The following SLC44A5 variants were observed in gnomAD, a reference collection of about 807,000 sequenced individuals.
The protein encoded by SLC44A5 is solute carrier family 44 member 5, also known as choline transporter-like protein 5.
In SLC44A5, 57 loss-of-function variants were observed where a neutral mutation model predicts 101.8. The ratio of observed to expected loss-of-function variants is 0.56; its 90% CI spans 0.45 to 0.70. The LOEUF (loss-of-function observed/expected upper bound fraction) is 0.70. Ranked by LOEUF, SLC44A5 falls within the 30% of genes least tolerant of loss-of-function variation. The pLI is 0.00. For synonymous variants in SLC44A5, 281 were observed against 290.9 expected (o/e 0.97, Z 0.35); for missense variants, 737 against 853.1 (o/e 0.86, Z 1.70).
At chr1:75,692,281 C>T in the SLC44A5 span, among the ~76,000 whole-genome samples, 2 of 150,452 alleles carry the variant, frequency 1.3e-5, no homozygotes, top group South Asian at 4.2e-4. Context: ...GCAACCTCCA[C>T]CTCCTGGGCT....
In SLC44A5 at chr1:75,497,271, C is replaced by T. The variant is rs145370899; in HGVS notation, c.13+44164G>A. On this transcript the variant is annotated intron_variant, in intron 2 of 23. Coordinates refer to ENST00000370859, the MANE Select transcript of SLC44A5 (RefSeq NM_001130058.2). ...GACTGATGAATGGGAAAAAAAATTGCCGTGTGTGTGTGTGGGTGTTTTATT... is the reference window on the plus strand; with the variant it reads ...GACTGATGAATGGGAAAAAAAATTGTCGTGTGTGTGTGTGGGTGTTTTATT... Among the ~76,000 whole-genome samples, 143 of 151,876 alleles carry T rather than the reference C, an allele frequency of 9.4e-4. 1 individual carries two copies. The highest frequency in any genetic ancestry group is 3.1e-3 in the African/African-American group (130 of 41,428).
intron 1 of SLC44A5, among the ~76,000 whole-genome samples, chr1:75,551,470 C>A (rs1671933310): frequency 2.0e-5 from 3 of 152,118 alleles, no homozygotes; most frequent in Admixed American, 2.0e-4. Flanking sequence ...AGCTTTCTCT[C>A]CCACAGGGAT....
chr1:75,659,123 C>A, the SLC44A5 span, among the ~76,000 whole-genome samples: 2 of 151,714 alleles, frequency 1.3e-5, no homozygotes, highest in East Asian at 3.9e-4. Context: ...CAAGATAGAA[C>A]AGTAATAAAG....
chr1:75,641,890 C>A, the SLC44A5 span: 1 of 1,578,310 alleles, frequency 6.3e-7, no homozygotes, highest in East Asian at 2.2e-5. Context: ...ATAAGGAGAC[C>A]CATTCAAGAA....
At chr1:75,601,384 G>A (rs1194958421) in intron 1 of SLC44A5, among the ~76,000 whole-genome samples, 4 of 151,526 alleles carry the variant, frequency 2.6e-5, no homozygotes, top group Non-Finnish European at 5.9e-5. Context: ...GGGGGCTGGG[G>A]GGCTGGGGGG....
At position 75,555,578 on chromosome 1, in the gene SLC44A5, G is replaced by A. The variant is rs150815588; in HGVS notation, c.-69-14062C>T. Among the ~76,000 whole-genome samples the A allele has an allele frequency of 1.1e-3, 168 of 152,112 alleles. 1 individual carries two copies. The highest frequency in any genetic ancestry group is 0.01 in the East Asian group (52 of 5,164). On this transcript the variant is annotated intron_variant, in intron 1 of 23. Coordinates refer to ENST00000370859, the MANE Select transcript of SLC44A5 (RefSeq NM_001130058.2). ...ATAGGTTTGTTTACATGGAGTGCCC[G>A]TTCAAAGCCAAGCCATTATGCTAGG...
At chr1:75,328,112 A>C (rs1220151025) in intron 4 of SLC44A5, among the ~76,000 whole-genome samples, 3 of 152,204 alleles carry the variant, frequency 2.0e-5, no homozygotes, top group African/African-American at 7.2e-5. Flanking sequence ...CTGGCTTCCC[A>C]ACCAAGCCTA....
chr1:75,277,959 C>A (rs1377169393), intron 5 of SLC44A5, among the ~76,000 whole-genome samples: 1 of 152,124 alleles, frequency 6.6e-6, no homozygotes, highest in African/African-American at 2.4e-5. Flanking sequence ...CAGCAGCCAT[C>A]ATTTTGTCCC....
chr1:75,704,287 C>T, the SLC44A5 span, among the ~76,000 whole-genome samples: 42 of 152,202 alleles, frequency 2.8e-4, no homozygotes, highest in African/African-American at 9.2e-4. Context: ...TTTAAACATA[C>T]ATTATCAGTG....
At chr1:75,391,572 C>A (rs1023314660) in intron 3 of SLC44A5, among the ~76,000 whole-genome samples, 5 of 152,088 alleles carry the variant, frequency 3.3e-5, no homozygotes, top group African/African-American at 1.2e-4. Context: ...AAGCTGCACT[C>A]CTACAACCAA....
At chr1:75,383,498 T>A (rs1661055106) in intron 3 of SLC44A5, among the ~76,000 whole-genome samples, 1 of 151,478 alleles carries the variant, frequency 6.6e-6, no homozygotes, top group Non-Finnish European at 1.5e-5. Flanking sequence ...AGAAGGGAAG[T>A]TTAGAGAAAA....
At chr1:75,340,168 T>G (rs1442281001) in intron 3 of SLC44A5, among the ~76,000 whole-genome samples, 1 of 152,200 alleles carries the variant, frequency 6.6e-6, no homozygotes, top group Non-Finnish European at 1.5e-5. Flanking sequence ...TATTGCAGTT[T>G]TTTCAATCTA....
chr1:75,480,747 TA>T (rs1667789342), intron 2 of SLC44A5, among the ~76,000 whole-genome samples: 1 of 151,908 alleles, frequency 6.6e-6, no homozygotes, highest in Admixed American at 6.6e-5. Context: ...CTCAATGAAA[TA>T]AAAGAGGATA....
At chr1:75,527,984 T>C (rs1670513699) in intron 2 of SLC44A5, among the ~76,000 whole-genome samples, 1 of 152,244 alleles carries the variant, frequency 6.6e-6, no homozygotes, top group Non-Finnish European at 1.5e-5. Context: ...TATGTGTCTT[T>C]TGTGCCCTTA....
chr1:75,385,364 G>C (rs1661242139), intron 3 of SLC44A5, among the ~76,000 whole-genome samples: 1 of 151,296 alleles, frequency 6.6e-6, no homozygotes, highest in Non-Finnish European at 1.5e-5. Flanking sequence ...AATAAAAAAT[G>C]ATAAAGGGGA....
intron 3 of SLC44A5, among the ~76,000 whole-genome samples, chr1:75,350,511 A>C (rs1483596495): frequency 6.6e-6 from 1 of 150,996 alleles, no homozygotes; most frequent in Non-Finnish European, 1.5e-5. Flanking sequence ...AAGGGACAAA[A>C]TATGCCTGTA....
At chr1:75,541,293 G>T (rs921077465) in intron 2 of SLC44A5, 142 bp downstream of exon 2, 25 of 643,476 alleles carry the variant, frequency 3.9e-5, no homozygotes, top group Non-Finnish European at 5.9e-5. Flanking sequence ...GGTCTAACAT[G>T]CTGTAGTTTT....
rs186617540 is a variant in SLC44A5 at position 75,251,591 on chromosome 1, G to T, written c.261-297C>A. ...ATAATGCTAAAGAACTAATTTAATG[G>T]ATGGTGAAATTTACAATATGTCAAT... On this transcript the variant is annotated intron_variant, in intron 6 of 23. Coordinates refer to ENST00000370859, the MANE Select transcript of SLC44A5 (RefSeq NM_001130058.2). 1.4e-4 allele frequency among the ~76,000 whole-genome samples: 22 copies of T among 152,172 alleles called. No individual in the cohort carries two copies. In the East Asian group the frequency reaches 4.1e-3, roughly 28 times the overall value.
chr1:75,708,910 C>A, the SLC44A5 span, among the ~76,000 whole-genome samples: 3 of 152,120 alleles, frequency 2.0e-5, no homozygotes, highest in Non-Finnish European at 4.4e-5. Flanking sequence ...TCTTATGAAT[C>A]AATCTTATTT....
Sources: allele counts gnomAD v4.1 joint callset (sites outside exome capture counted in the v4.1 genomes callset), GRCh38; gene constraint gnomAD v4.1.1; transcripts MANE v1.5; gene names NCBI Gene and HGNC (gene_info 2026-07-23, HGNC 2026-07-21).